The following TESK2 variants were observed in gnomAD, a reference collection of about 807,000 sequenced individuals.
TESK2 encodes dual specificity testis-specific protein kinase 2.
TESK2 carries 39 observed loss-of-function variants against 57.1 expected under a neutral mutation model. That is an observed-to-expected ratio of 0.68 (90% CI 0.53 to 0.89). The LOEUF is 0.89. Among genes scored for constraint, TESK2 ranks in the 40% least tolerant of loss-of-function variants. TESK2 has a pLI of 0.00. For missense variants in TESK2, 646 were observed against 732.1 expected (o/e 0.88, Z 1.36); for synonymous variants, 249 against 267.9 (o/e 0.93, Z 0.69).
At chr1:45,389,956 T>G (rs1400751966) in intron 3 of TESK2, among the ~76,000 whole-genome samples, 1 of 152,228 alleles carries the variant, frequency 6.6e-6, no homozygotes, top group Non-Finnish European at 1.5e-5. Context: ...ATTCTCTTTT[T>G]CATAACCCTT....
intron 2 of TESK2, among the ~76,000 whole-genome samples, chr1:45,432,705 T>C (rs1557571649): frequency 1.4e-5 from 2 of 146,874 alleles, no homozygotes; most frequent in East Asian, 2.1e-4. Flanking sequence ...AAAAAAGATA[T>C]ATACAATACA....
chr1:45,376,382 ATT>A (rs201233772), intron 4 of TESK2, among the ~76,000 whole-genome samples: 15 of 142,100 alleles, frequency 1.1e-4, no homozygotes, highest in Non-Finnish European at 1.4e-4. Context: ...CGTCTGGCTA[ATT>A]TTTTTTTTTT....
chr1:45,439,662 G>A (rs1458033218), intron 2 of TESK2, among the ~76,000 whole-genome samples: 1 of 152,142 alleles, frequency 6.6e-6, no homozygotes, highest in Admixed American at 6.6e-5. Flanking sequence ...GTACAGCCAA[G>A]ACTCAAACCC....
chr1:45,372,565 C>T (rs939569747), intron 4 of TESK2, among the ~76,000 whole-genome samples: 217 of 149,632 alleles, frequency 1.5e-3, no homozygotes, highest in African/African-American at 5.1e-3. Flanking sequence ...GGTGACAGAG[C>T]GAGACTGTCT....
chr1:45,438,733 T>C (rs1361446057), intron 2 of TESK2, among the ~76,000 whole-genome samples: 1 of 152,154 alleles, frequency 6.6e-6, no homozygotes, highest in Non-Finnish European at 1.5e-5. Flanking sequence ...CCTCTATGTG[T>C]CCATGTGTTC....
rs1282472204 is a variant in TESK2 at position 45,457,709 on chromosome 1, C to T, written c.77G>A (p.Gly26Asp). The T allele has an allele frequency of 1.9e-6, 3 of 1,614,026 alleles. No individual in the cohort carries two copies. Among genetic ancestry groups the T allele is most frequent in the Admixed American group, 3.3e-5 (2 of 59,990 alleles). The change falls in exon 2 of 11, where the codon GGT becomes GAT. Residue 26 changes from glycine to aspartate, a missense_variant. Gly to Asp is a moderately conservative substitution (Grantham distance 94). Transcript: ENST00000372086. ...VERLEEFEGG[G>D]GGEGNVSQVG... Reference sequence around the variant, plus strand: ...CTGGCTCACATTTCCTTCTCCTCCACCACCTCCTTCAAACTCTTCAAGACG... The same window carrying T: ...CTGGCTCACATTTCCTTCTCCTCCATCACCTCCTTCAAACTCTTCAAGACG...
intron 5 of TESK2, 62 bp downstream of exon 5, chr1:45,355,241 C>G: frequency 6.4e-7 from 1 of 1,572,926 alleles, no homozygotes; most frequent in Non-Finnish European, 8.7e-7. Context: ...TCTAACACAG[C>G]TTTCTTGGCA....
chr1:45,466,405 G>A (rs555187959), intron 1 of TESK2, among the ~76,000 whole-genome samples: 5 of 152,168 alleles, frequency 3.3e-5, no homozygotes, highest in South Asian at 2.1e-4. Context: ...AACCCAGGAG[G>A]CAGAGGTTGA....
chr1:45,465,029 G>A (rs1652487695), intron 1 of TESK2, among the ~76,000 whole-genome samples: 1 of 152,120 alleles, frequency 6.6e-6, no homozygotes, highest in Non-Finnish European at 1.5e-5. Flanking sequence ...CTGAGGTCAG[G>A]AGTTCGAGAC....
At chr1:45,443,428 G>A (rs890763645) in intron 2 of TESK2, among the ~76,000 whole-genome samples, 1 of 104,490 alleles carries the variant, frequency 9.6e-6, no homozygotes, top group African/African-American at 4.4e-5. Flanking sequence ...AAAATTAGCC[G>A]AACATGTGGT....
chr1:45,407,072 G>C (rs1018664537), intron 3 of TESK2, among the ~76,000 whole-genome samples: 1 of 152,020 alleles, frequency 6.6e-6, no homozygotes, highest in Non-Finnish European at 1.5e-5. Flanking sequence ...CAAGACTCAG[G>C]ATTACATCGT....
chr1:45,457,712 C>G lies in TESK2; in HGVS notation c.74G>C (p.Gly25Ala). ...GCTCACATTTCCTTCTCCTCCACCA[C>G]CTCCTTCAAACTCTTCAAGACGCTC... is the stretch of plus-strand genomic sequence containing the variant. ...RVERLEEFEG[G>A]GGGEGNVSQV... The change falls in exon 2 of 11, where the codon GGT becomes GCT. Residue 25 changes from glycine (G) to alanine (A), a missense_variant. By Grantham distance (60) the Gly-to-Ala change is moderately conservative (BLOSUM62 0). Coordinates refer to ENST00000372086, the MANE Select transcript of TESK2 (RefSeq NM_007170.3). The G allele has an allele frequency of 6.2e-7, 1 of 1,614,170 alleles. No individual in the cohort carries two copies. The highest frequency in any genetic ancestry group is 2.2e-5 in the East Asian group (1 of 44,888).
At chr1:45,477,638 A>C (rs1041752612) in intron 1 of TESK2, among the ~76,000 whole-genome samples, 2 of 150,050 alleles carry the variant, frequency 1.3e-5, no homozygotes, top group African/African-American at 4.9e-5. Context: ...AAAAAAAAAA[A>C]GAAAGATTTT....
chr1:45,386,251 A>T (rs1374836156), intron 3 of TESK2, among the ~76,000 whole-genome samples: 2 of 150,074 alleles, frequency 1.3e-5, no homozygotes, highest in African/African-American at 4.9e-5. Flanking sequence ...AGACTGAGGC[A>T]GGAGAATCCC....
At chr1:45,439,618 G>A (rs1033837290) in intron 2 of TESK2, among the ~76,000 whole-genome samples, 1 of 152,124 alleles carries the variant, frequency 6.6e-6, no homozygotes, top group Non-Finnish European at 1.5e-5. Context: ...AGGAAACGGA[G>A]GCACAGAAGT....
intron 1 of TESK2, among the ~76,000 whole-genome samples, chr1:45,484,823 A>G (rs1653389115): frequency 6.6e-6 from 1 of 151,832 alleles, no homozygotes; most frequent in African/African-American, 2.4e-5. Context: ...CAAGGTCAGG[A>G]GATCGAGACC....
chr1:45,382,227 T>C (rs1000056021), intron 4 of TESK2, among the ~76,000 whole-genome samples: 2 of 152,122 alleles, frequency 1.3e-5, no homozygotes, highest in African/African-American at 4.8e-5. Context: ...ATGTGACTTT[T>C]CACCAAACCG....
At chr1:45,352,400 A>G (rs1023084595) in intron 5 of TESK2, among the ~76,000 whole-genome samples, 4 of 152,210 alleles carry the variant, frequency 2.6e-5, no homozygotes, top group African/African-American at 9.6e-5. Flanking sequence ...GTCTTATCCT[A>G]TAGTCCAAAA....
intron 5 of TESK2, among the ~76,000 whole-genome samples, chr1:45,354,647 G>A (rs1433468369): frequency 6.6e-6 from 1 of 150,800 alleles, no homozygotes; most frequent in Non-Finnish European, 1.5e-5. Flanking sequence ...AATACAGCCA[G>A]GCATGGTGGT....
Sources: gnomAD v4.1 joint callset for allele counts (sites outside exome capture counted in the v4.1 genomes callset) on GRCh38, gnomAD v4.1.1 for gene constraint, MANE v1.5 for transcripts, NCBI Gene and HGNC (gene_info 2026-07-23, HGNC 2026-07-21) for gene names.